The following TPRG1 variants were observed in gnomAD, a reference collection of about 807,000 sequenced individuals.
TPRG1 encodes tumor protein p63 regulated 1, also known as tumor protein p63-regulated gene 1 protein.
In TPRG1, 29 loss-of-function variants were observed where a neutral mutation model predicts 29.3. The ratio of observed to expected loss-of-function variants is 0.99; its 90% CI spans 0.74 to 1.35. The LOEUF is 1.35. TPRG1 is among the 40% of genes most tolerant of loss of function. TPRG1 has a pLI of 0.00. For missense variants in TPRG1, 327 were observed against 335.0 expected (o/e 0.98, Z 0.19); for synonymous variants, 130 against 116.8 (o/e 1.11, Z -0.73).
chr3:189,147,900 C>T (rs1725464590), intron 4 of TPRG1, among the ~76,000 whole-genome samples: 1 of 152,202 alleles, frequency 6.6e-6, no homozygotes, highest in South Asian at 2.1e-4. Context: ...TTCCCAAGTG[C>T]TGAAAAGATG....
intron 3 of TPRG1, among the ~76,000 whole-genome samples, chr3:189,220,792 C>T (rs1239889080): frequency 6.6e-6 from 1 of 152,142 alleles, no homozygotes; most frequent in African/African-American, 2.4e-5. Context: ...TTTATGTCTG[C>T]ATAGTATTCC....
intron 4 of TPRG1, among the ~76,000 whole-genome samples, chr3:189,266,099 C>T (rs1246607723): frequency 6.6e-6 from 1 of 152,118 alleles, no homozygotes. Context: ...AGACTTGTCA[C>T]TTAATGGCTT....
At chr3:189,067,801 G>A (rs557617525) in intron 4 of TPRG1, among the ~76,000 whole-genome samples, 2 of 152,206 alleles carry the variant, frequency 1.3e-5, no homozygotes, top group African/African-American at 4.8e-5. Flanking sequence ...AGCACAGGTA[G>A]TCAAAGCAAA....
chr3:189,199,547 G>C (rs954545704), intron 1 of TPRG1, among the ~76,000 whole-genome samples: 1 of 152,168 alleles, frequency 6.6e-6, no homozygotes, highest in African/African-American at 2.4e-5. Flanking sequence ...AACCTCAAGA[G>C]TAGTATCCAG....
intron 4 of TPRG1, among the ~76,000 whole-genome samples, chr3:189,273,385 G>A (rs911612231): frequency 6.6e-6 from 1 of 152,126 alleles, no homozygotes. Context: ...CTCAGATGAG[G>A]AGGCAGGGAA....
chr3:189,303,162 C>T (rs912492561), intron 4 of TPRG1, among the ~76,000 whole-genome samples: 2 of 152,116 alleles, frequency 1.3e-5, no homozygotes, highest in South Asian at 4.1e-4. Context: ...GCCAAGGACA[C>T]AGGACATAAA....
chr3:189,259,839 A>G (rs1459219718), intron 4 of TPRG1, among the ~76,000 whole-genome samples: 1 of 152,138 alleles, frequency 6.6e-6, no homozygotes, highest in Non-Finnish European at 1.5e-5. Flanking sequence ...AGTGACTTGT[A>G]TGCAATCGTG....
intron 3 of TPRG1, among the ~76,000 whole-genome samples, chr3:189,005,765 T>G (rs1712253740): frequency 6.6e-6 from 1 of 152,132 alleles, no homozygotes; most frequent in Admixed American, 6.6e-5. Context: ...GGGGATATTT[T>G]CATTACTTTT....
intron 1 of TPRG1, among the ~76,000 whole-genome samples, chr3:189,187,558 C>G (rs1016281356): frequency 8.6e-5 from 13 of 152,002 alleles, no homozygotes; most frequent in African/African-American, 2.9e-4. Context: ...ACCTCGTGAT[C>G]CACCTGCCTC....
At chr3:189,288,604 C>T (rs967067365) in intron 4 of TPRG1, among the ~76,000 whole-genome samples, 8 of 152,230 alleles carry the variant, frequency 5.3e-5, no homozygotes, top group African/African-American at 1.7e-4. Flanking sequence ...ATTCCGCTTT[C>T]CAATGTCCCC....
At chr3:189,308,975 A>G (rs1306306452) in intron 4 of TPRG1, among the ~76,000 whole-genome samples, 2 of 151,810 alleles carry the variant, frequency 1.3e-5, no homozygotes, top group African/African-American at 4.8e-5. Context: ...AAAACTTTAG[A>G]GGTATATTTT....
chr3:189,207,562 C>G lies in TPRG1; in HGVS notation c.178C>G (p.Pro60Ala), dbSNP rs1734590067. The G allele has an allele frequency of 6.2e-7, 1 of 1,613,872 alleles. No individual in the cohort carries two copies. Among genetic ancestry groups the G allele is most frequent in the Admixed American group, 1.7e-5 (1 of 59,988 alleles). ...TCTTTACCCCAATCCTTATCATCAGCCTTATATCTCACGGAAGTACTTTGC... is the reference window on the plus strand; with the variant it reads ...TCTTTACCCCAATCCTTATCATCAGGCTTATATCTCACGGAAGTACTTTGC... ...STLYPNPYHQ[P>A]YISRKYFATR... Residue 60 changes from proline to alanine, a missense_variant, in exon 2 of 6, where the codon CCT becomes GCT. Coordinates refer to ENST00000345063, the MANE Select transcript of TPRG1 (RefSeq NM_198485.4).
intron 4 of TPRG1, among the ~76,000 whole-genome samples, chr3:189,026,027 A>T (rs908053634): frequency 6.6e-6 from 1 of 152,214 alleles, no homozygotes. Context: ...CATTGAACAC[A>T]AGGTTGAGAA....
chr3:189,259,181 C>T (rs1296888338), intron 4 of TPRG1, among the ~76,000 whole-genome samples: 2 of 152,176 alleles, frequency 1.3e-5, no homozygotes, highest in South Asian at 2.1e-4. Context: ...GTGGGGAAAG[C>T]GTAGTGTCTA....
intron 1 of TPRG1, among the ~76,000 whole-genome samples, chr3:189,119,290 C>T (rs933207073): frequency 1.3e-5 from 2 of 152,190 alleles, no homozygotes; most frequent in African/African-American, 4.8e-5. Context: ...TACCCAATGC[C>T]TATGCCCCCA....
chr3:189,131,607 C>T (rs1723119425), intron 2 of TPRG1, among the ~76,000 whole-genome samples: 1 of 152,146 alleles, frequency 6.6e-6, no homozygotes, highest in Admixed American at 6.5e-5. Context: ...ATAAACGAAT[C>T]CCCCATTTTG....
At chr3:189,148,437 C>T (rs1048982841) in intron 4 of TPRG1, among the ~76,000 whole-genome samples, 1 of 152,188 alleles carries the variant, frequency 6.6e-6, no homozygotes, top group Non-Finnish European at 1.5e-5. Flanking sequence ...GAGGACCTCT[C>T]TCTGGGAGTT....
rs1218086466 is a variant in TPRG1, at chr3:189,141,592, T to A, written c.-290-5992T>A. On this transcript the variant is annotated intron_variant, in intron 3 of 6. Transcript: ENST00000412373. ...ATAGATATGAAGGAAAATAATTACA[T>A]TACTATGGAATAAGTGTTATATTTA... Among the ~76,000 whole-genome samples the A allele has an allele frequency of 2.0e-5, 3 of 152,154 alleles. No individual in the cohort carries two copies. The East Asian group carries it at 5.8e-4, about 29-fold the overall frequency.
chr3:189,238,796 C>T lies in TPRG1; in HGVS notation c.366C>T (p.Ile122=). ...ILLVTDKTLL[I]CKYDFIMLSC... The stretch of plus-strand genomic sequence containing the variant: ...TGGTCACAGACAAGACTCTCTTGAT[C>T]TGCAAATACGACTTCATCATGCTGA... Residue 122 remains isoleucine (I), a synonymous_variant, in exon 4 of 6, where the codon ATC becomes ATT. Coordinates refer to ENST00000345063, the MANE Select transcript of TPRG1 (RefSeq NM_198485.4). 6.2e-7 allele frequency: 1 copy of T among 1,613,798 alleles called. No homozygotes were observed. Among genetic ancestry groups the T allele is most frequent in the Non-Finnish European group, 8.5e-7 (1 of 1,179,738 alleles).
Sources: allele counts gnomAD v4.1 joint callset (sites outside exome capture counted in the v4.1 genomes callset), GRCh38; gene constraint gnomAD v4.1.1; transcripts MANE v1.5; gene names NCBI Gene and HGNC (gene_info 2026-07-23, HGNC 2026-07-21).